The following GRM5 variants were observed in gnomAD, a reference collection of about 807,000 sequenced individuals.
The protein encoded by GRM5 is glutamate metabotropic receptor 5.
A neutral mutation model predicts 83.1 loss-of-function variants in GRM5; 19 were observed. The ratio of observed to expected loss-of-function variants is 0.23; its 90% CI spans 0.16 to 0.34. The LOEUF (loss-of-function observed/expected upper bound fraction) is 0.34, where lower values mean the gene tolerates loss of function less well. Ranked by LOEUF, GRM5 falls within the 10% of genes least tolerant of loss-of-function variation. The probability of loss-of-function intolerance (pLI) is 1.00; values close to 1 mark genes in which losing one functional copy is unlikely to be tolerated. For synonymous variants in GRM5, 675 were observed against 633.6 expected (o/e 1.07, Z -0.98); for missense variants, 1,160 against 1,588.3 (o/e 0.73, Z 4.58).
intron 3 of GRM5, among the ~76,000 whole-genome samples, chr11:88,706,446 C>A (rs1262683634): frequency 1.3e-5 from 2 of 152,040 alleles, no homozygotes; most frequent in Non-Finnish European, 2.9e-5. Context: ...TTGAAGGCAG[C>A]AAATATATCT....
rs151047557 is a variant in GRM5, at chr11:89,026,624, T to A, written c.661+20588A>T. ...ATTATATCTGCATTGTAAGACAATG[T>A]GAAAATAAAATGAGATTCTATATAT... On this transcript the variant is annotated intron_variant, in intron 2 of 9. Transcript: ENST00000305447. 1.0e-2 allele frequency among the ~76,000 whole-genome samples: 1,522 copies of A among 152,256 alleles called. 21 individuals are homozygous for A. The highest frequency in any genetic ancestry group is 0.035 in the African/African-American group (1,447 of 41,552).
intron 2 of GRM5, among the ~76,000 whole-genome samples, chr11:88,868,649 C>G (rs1322149688): frequency 6.6e-6 from 1 of 151,716 alleles, no homozygotes; most frequent in Admixed American, 6.6e-5. Context: ...AGATACCTGG[C>G]AAATGTTAAT....
At chr11:88,649,442 G>T (rs1939571902) in intron 4 of GRM5, among the ~76,000 whole-genome samples, 1 of 138,588 alleles carries the variant, frequency 7.2e-6, no homozygotes. Context: ...CATTTATTAT[G>T]TATTATATAT....
chr11:88,549,301 C>T (rs1403846421), intron 8 of GRM5, among the ~76,000 whole-genome samples: 1 of 151,770 alleles, frequency 6.6e-6, no homozygotes, highest in Admixed American at 6.6e-5. Flanking sequence ...CTGGTCTCTA[C>T]AAAAAATACA....
At chr11:88,733,012 T>C (rs1941838473) in intron 3 of GRM5, among the ~76,000 whole-genome samples, 1 of 152,062 alleles carries the variant, frequency 6.6e-6, no homozygotes, top group African/African-American at 2.4e-5. Context: ...GCACAATCTA[T>C]TGATCTTGCT....
At chr11:88,824,274 G>A (rs995046617) in intron 3 of GRM5, among the ~76,000 whole-genome samples, 1 of 152,156 alleles carries the variant, frequency 6.6e-6, no homozygotes, top group Non-Finnish European at 1.5e-5. Context: ...GAATTTTCTG[G>A]TGGCGGGGGA....
intron 4 of GRM5, among the ~76,000 whole-genome samples, chr11:88,645,760 TA>T (rs1224632031): frequency 6.6e-6 from 1 of 151,912 alleles, no homozygotes; most frequent in Non-Finnish European, 1.5e-5. Flanking sequence ...TGAGGGACAA[TA>T]AAAATTATAC....
At chr11:89,051,145 A>G (rs1014872862) in intron 1 of GRM5, among the ~76,000 whole-genome samples, 1 of 152,044 alleles carries the variant, frequency 6.6e-6, no homozygotes. Context: ...AGTCCCAGCT[A>G]CTCGGGAGGC....
At chr11:88,999,945 G>A (rs568064900) in intron 2 of GRM5, among the ~76,000 whole-genome samples, 2 of 152,292 alleles carry the variant, frequency 1.3e-5, no homozygotes, top group African/African-American at 4.8e-5. Flanking sequence ...GTAGGGACAT[G>A]GATGAAGCTG....
chr11:88,853,094 A>G (rs1452415982), intron 2 of GRM5, among the ~76,000 whole-genome samples: 1 of 152,142 alleles, frequency 6.6e-6, no homozygotes, highest in East Asian at 1.9e-4. Flanking sequence ...TAGAAGTAAG[A>G]CAGAATCCAT....
At chr11:88,524,498 G>A (rs568866656) in intron 9 of GRM5, among the ~76,000 whole-genome samples, 47 of 151,198 alleles carry the variant, frequency 3.1e-4, no homozygotes, top group African/African-American at 9.2e-4. Context: ...GATTACAGGC[G>A]TGAGCCAATG....
chr11:88,884,870 G>A (rs1482842259), intron 2 of GRM5, among the ~76,000 whole-genome samples: 1 of 152,154 alleles, frequency 6.6e-6, no homozygotes, highest in African/African-American at 2.4e-5. Context: ...CCCCAGCCAT[G>A]TGGATTTGTG....
At chr11:88,562,603 C>A (rs1942783204) in intron 8 of GRM5, among the ~76,000 whole-genome samples, 1 of 151,998 alleles carries the variant, frequency 6.6e-6, no homozygotes, top group Admixed American at 6.6e-5. Context: ...TTTTTCCAGT[C>A]TCCTACTTTG....
chr11:88,966,540 A>C (rs1022676146), intron 2 of GRM5, among the ~76,000 whole-genome samples: 9 of 152,114 alleles, frequency 5.9e-5, no homozygotes, highest in African/African-American at 2.2e-4. Flanking sequence ...AAAAATAACA[A>C]GGGAAAATTG....
rs1221163970 is a variant in GRM5 at position 88,869,812 on chromosome 11, A to AT, written c.662-19658dup. On this transcript the variant is annotated intron_variant, in intron 2 of 9. Transcript: ENST00000305447. ...AATGAAAAGAGAGAACAATGCCTCTATAAAAAAGAGGGGAAATTAATAGGT... is the reference window on the plus strand; with the variant it reads ...AATGAAAAGAGAGAACAATGCCTCTATTAAAAAAGAGGGGAAATTAATAGGT... Among the ~76,000 whole-genome samples, 11 of 151,736 alleles carry AT rather than the reference A, an allele frequency of 7.2e-5. No individual in the cohort carries two copies. In the East Asian group the frequency reaches 2.1e-3, roughly 29 times the overall value.
intron 5 of GRM5, among the ~76,000 whole-genome samples, chr11:88,599,952 G>T (rs897364274): frequency 3.3e-5 from 5 of 152,168 alleles, no homozygotes; most frequent in Non-Finnish European, 7.3e-5. Flanking sequence ...GACGGAGCTT[G>T]CAGTGAGCCT....
chr11:88,707,919 C>A (rs1341311670), intron 3 of GRM5, among the ~76,000 whole-genome samples: 1 of 152,022 alleles, frequency 6.6e-6, no homozygotes, highest in African/African-American at 2.4e-5. Context: ...TATAATTACT[C>A]TGTTACCATC....
chr11:88,774,212 C>T (rs1942800240), intron 3 of GRM5, among the ~76,000 whole-genome samples: 1 of 151,954 alleles, frequency 6.6e-6, no homozygotes, highest in South Asian at 2.1e-4. Flanking sequence ...CCCTTTGTAG[C>T]AACTGTGAAT....
At chr11:89,016,918 G>C (rs541149175) in intron 2 of GRM5, among the ~76,000 whole-genome samples, 1 of 152,248 alleles carries the variant, frequency 6.6e-6, no homozygotes, top group South Asian at 2.1e-4. Context: ...GGGAGTACAT[G>C]ATGAGAGTAC....
Sources: gnomAD v4.1 joint callset for allele counts (sites outside exome capture counted in the v4.1 genomes callset) on GRCh38, gnomAD v4.1.1 for gene constraint, MANE v1.5 for transcripts, NCBI Gene and HGNC (gene_info 2026-07-23, HGNC 2026-07-21) for gene names.